Variants in KIAA0232 observed in about 807,000 individuals in gnomAD.
The protein encoded by KIAA0232 is KIAA0232, also known as uncharacterized protein KIAA0232.
In KIAA0232, 27 loss-of-function variants were observed where a neutral mutation model predicts 122.0. The ratio of observed to expected loss-of-function variants is 0.22; its 90% CI spans 0.16 to 0.31. The LOEUF (loss-of-function observed/expected upper bound fraction) is 0.31, where lower values mean the gene tolerates loss of function less well. KIAA0232 is among the 10% of genes least tolerant of loss of function. KIAA0232 has a pLI of 1.00. For missense variants in KIAA0232, 1,551 were observed against 1,634.2 expected (o/e 0.95, Z 0.88); for synonymous variants, 613 against 587.6 (o/e 1.04, Z -0.63).
intron 3 of KIAA0232, among the ~76,000 whole-genome samples, chr4:6,827,390 C>T (rs987366118): frequency 6.6e-6 from 1 of 152,180 alleles, no homozygotes; most frequent in African/African-American, 2.4e-5. Flanking sequence ...TAGCTTCTGT[C>T]ATCAGAACTC....
chr4:6,790,838 A>G (rs889945250), intron 1 of KIAA0232, among the ~76,000 whole-genome samples: 5 of 150,936 alleles, frequency 3.3e-5, no homozygotes, highest in Non-Finnish European at 5.9e-5. Flanking sequence ...AGTTACCATC[A>G]TAGATAATTG....
chr4:6,824,798 C>T (rs1718592317), intron 3 of KIAA0232, 114 bp downstream of exon 3: 4 of 857,976 alleles, frequency 4.7e-6, no homozygotes, highest in Admixed American at 2.2e-5. Flanking sequence ...TGTGTGCAAA[C>T]ATTTAACCTG....
chr4:6,802,005 T>C (rs1318212910), intron 1 of KIAA0232, among the ~76,000 whole-genome samples: 1 of 152,194 alleles, frequency 6.6e-6, no homozygotes, highest in Non-Finnish European at 1.5e-5. Flanking sequence ...AAAGGGGCCC[T>C]TGATCCTGAT....
Position 6,861,037 on chromosome 4 carries a change from A to G in KIAA0232, c.655A>G (p.Thr219Ala). The stretch of plus-strand genomic sequence containing the variant: ...CACAGCCCCACCAGCTAGCACAGAT[A>G]CTTCCTCTCCTAAGGACTGCAACAG... Reference protein sequence around the residue: ...SSTAPPASTDTSSPKDCNSES... With the variant: ...SSTAPPASTDASSPKDCNSES... The change falls in exon 7 of 10, where the codon ACT becomes GCT. Residue 219 changes from threonine to alanine, a missense_variant. Physicochemically the swap from Thr to Ala is moderately conservative, Grantham distance 58. Coordinates refer to ENST00000307659, the MANE Select transcript of KIAA0232 (RefSeq NM_014743.3). 9 of 1,614,216 alleles carry G rather than the reference A, an allele frequency of 5.6e-6. No individual in the cohort carries two copies. Among genetic ancestry groups the G allele is most frequent in the Non-Finnish European group, 7.6e-6 (9 of 1,180,034 alleles).
chr4:6,884,047 GGTT>G lies in KIAA0232; in HGVS notation c.*3085_*3087del, dbSNP rs1288083530. The stretch of plus-strand genomic sequence containing the variant: ...CTCATTGATAAAACAATGTTTTTTT[GGTT>G]GTTTATTCAGTATCTGAATAACGTT... On this transcript the variant is annotated 3_prime_UTR_variant, in exon 10 of 10. Coordinates refer to ENST00000307659, the MANE Select transcript of KIAA0232 (RefSeq NM_014743.3). 1 of 151,780 alleles carries G rather than the reference GGTT, an allele frequency of 6.6e-6. No individual in the cohort carries two copies. The highest frequency in any genetic ancestry group is 2.4e-5 in the African/African-American group (1 of 41,310). The allele number at this position is 151,780 out of a possible 1,614,324, so 9.4% of individuals were successfully genotyped here.
At chr4:6,842,984 T>A (rs1719745730) in intron 4 of KIAA0232, among the ~76,000 whole-genome samples, 1 of 152,226 alleles carries the variant, frequency 6.6e-6, no homozygotes, top group Admixed American at 6.5e-5. Flanking sequence ...TAGAAGGGAA[T>A]AGCAGTTCAA....
At chr4:6,850,926 C>G (rs1720244752) in intron 4 of KIAA0232, among the ~76,000 whole-genome samples, 1 of 152,148 alleles carries the variant, frequency 6.6e-6, no homozygotes, top group Admixed American at 6.5e-5. Flanking sequence ...CCTCGGCCTC[C>G]CAAAGTGCTG....
chr4:6,783,443 C>G (rs914538227), intron 1 of KIAA0232, among the ~76,000 whole-genome samples: 1 of 152,208 alleles, frequency 6.6e-6, no homozygotes, highest in Non-Finnish European at 1.5e-5. Context: ...CTTGATAGGA[C>G]GTAGAGCCCC....
intron 1 of KIAA0232, among the ~76,000 whole-genome samples, chr4:6,795,592 A>G (rs1362587971): frequency 6.6e-6 from 1 of 152,100 alleles, no homozygotes; most frequent in African/African-American, 2.4e-5. Context: ...TGGCTACTAG[A>G]AATATATTTA....
At chr4:6,823,704 A>T (rs2109030551) in intron 2 of KIAA0232, among the ~76,000 whole-genome samples, 1 of 150,954 alleles carries the variant, frequency 6.6e-6, no homozygotes, top group African/African-American at 2.4e-5. Context: ...AAATTTTACT[A>T]GTCCAATCTC....
At chr4:6,879,921 T>G in intron 9 of KIAA0232, among the ~76,000 whole-genome samples, 2 of 134,022 alleles carry the variant, frequency 1.5e-5, no homozygotes, top group African/African-American at 5.8e-5. Flanking sequence ...CACTGCAAAC[T>G]CCCTTCCCAA....
intron 2 of KIAA0232, among the ~76,000 whole-genome samples, chr4:6,814,626 G>A (rs1216737052): frequency 6.6e-6 from 1 of 152,072 alleles, no homozygotes; most frequent in Non-Finnish European, 1.5e-5. Context: ...CTTGTGAGAG[G>A]TTGAAAGGTA....
intron 9 of KIAA0232, among the ~76,000 whole-genome samples, chr4:6,880,376 C>T (rs574601878): frequency 1.3e-4 from 18 of 143,160 alleles, no homozygotes; most frequent in African/African-American, 4.7e-4. Context: ...GTCTGCAGTG[C>T]CCCCCTCACC....
chr4:6,787,866 G>T (rs1451079109), intron 1 of KIAA0232, among the ~76,000 whole-genome samples: 2 of 152,150 alleles, frequency 1.3e-5, no homozygotes, highest in Non-Finnish European at 2.9e-5. Context: ...GGATACGACA[G>T]TTTTGTTGGT....
intron 7 of KIAA0232, among the ~76,000 whole-genome samples, chr4:6,868,162 C>G (rs1285424897): frequency 1.3e-5 from 2 of 152,200 alleles, no homozygotes. Flanking sequence ...GCCTTTGTTT[C>G]CTTCACCCAG....
At chr4:6,864,870 T>G (rs1485133006) in intron 7 of KIAA0232, among the ~76,000 whole-genome samples, 31 of 152,070 alleles carry the variant, frequency 2.0e-4, no homozygotes. Flanking sequence ...TCTAACTGAC[T>G]CTTAGAAGTT....
chr4:6,801,428 C>T (rs1197208678), intron 1 of KIAA0232, among the ~76,000 whole-genome samples: 1 of 152,186 alleles, frequency 6.6e-6, no homozygotes, highest in East Asian at 1.9e-4. Context: ...GTGGCTCATG[C>T]CTGTAATCCT....
chr4:6,838,693 G>T (rs1719481613), intron 3 of KIAA0232, among the ~76,000 whole-genome samples: 1 of 144,162 alleles, frequency 6.9e-6, no homozygotes. Flanking sequence ...GAGGATTGAT[G>T]TTGGGGTGGA....
chr4:6,820,012 ACT>A (rs1403298965), intron 2 of KIAA0232, among the ~76,000 whole-genome samples: 1 of 152,172 alleles, frequency 6.6e-6, no homozygotes, highest in Non-Finnish European at 1.5e-5. Flanking sequence ...AAAATAAAAT[ACT>A]GTGTGTTCTC....
Sources: allele counts gnomAD v4.1 joint callset (sites outside exome capture counted in the v4.1 genomes callset), GRCh38; gene constraint gnomAD v4.1.1; transcripts MANE v1.5; gene names NCBI Gene and HGNC (gene_info 2026-07-23, HGNC 2026-07-21).